PCSK5: variants seen among roughly 807,000 people sequenced by gnomAD.
The protein encoded by PCSK5 is prohormone convertase 5.
A neutral mutation model predicts 233.2 loss-of-function variants in PCSK5; 129 were observed. The ratio of observed to expected loss-of-function variants is 0.55; its 90% CI spans 0.48 to 0.64. The LOEUF is 0.64. PCSK5 is among the 30% of genes least tolerant of loss of function. PCSK5 has a pLI of 0.00. For missense variants in PCSK5, 2,076 were observed against 2,430.1 expected (o/e 0.85, Z 3.06); for synonymous variants, 825 against 879.2 (o/e 0.94, Z 1.09).
chr9:75,908,695 C>G (rs1822521473), intron 1 of PCSK5, among the ~76,000 whole-genome samples: 1 of 152,170 alleles, frequency 6.6e-6, no homozygotes, highest in African/African-American at 2.4e-5. Flanking sequence ...TCTACAAAGC[C>G]TTTCTCAGAT....
chr9:76,284,762 C>A (rs1421784260), intron 24 of PCSK5, among the ~76,000 whole-genome samples: 1 of 151,908 alleles, frequency 6.6e-6, no homozygotes, highest in Non-Finnish European at 1.5e-5. Flanking sequence ...AAACTCCCGA[C>A]GTCAGGTGAT....
chr9:75,961,405 C>T (rs1230918697), intron 2 of PCSK5, among the ~76,000 whole-genome samples: 1 of 152,206 alleles, frequency 6.6e-6, no homozygotes, highest in African/African-American at 2.4e-5. Flanking sequence ...CATTTGTTCT[C>T]TCATTTAATC....
chr9:75,893,018 C>T (rs1185734626), intron 1 of PCSK5, among the ~76,000 whole-genome samples: 1 of 152,146 alleles, frequency 6.6e-6, no homozygotes, highest in Admixed American at 6.5e-5. Flanking sequence ...GAAGAAAACA[C>T]TGAGTCCGTT....
intron 5 of PCSK5, among the ~76,000 whole-genome samples, chr9:76,027,674 G>A (rs890846751): frequency 6.6e-6 from 1 of 150,888 alleles, no homozygotes; most frequent in Non-Finnish European, 1.5e-5. Flanking sequence ...TTTGATAACA[G>A]AATATTTTAA....
chr9:76,353,819 T>C (rs1446854959), intron 36 of PCSK5, among the ~76,000 whole-genome samples: 2 of 152,190 alleles, frequency 1.3e-5, no homozygotes, highest in South Asian at 2.1e-4. Flanking sequence ...TATTAGCAGA[T>C]CTCAAAGGAC....
In PCSK5 at chr9:76,023,882, G is replaced by T; in HGVS notation, c.555+1G>T. ...CCATCCAGATCTGATGCAAAACTAC[G>T]TGAGTGTATGCTGTGGTTAGAAGGT... On this transcript the variant is annotated splice_donor_variant, in intron 4 of 37. Transcript: ENST00000674117. LOFTEE classifies it high-confidence loss of function. 6.2e-7 allele frequency: 1 copy of T among 1,609,524 alleles called. No individual in the cohort carries two copies. Among genetic ancestry groups the T allele is most frequent in the Non-Finnish European group, 8.5e-7 (1 of 1,177,900 alleles).
At chr9:75,912,481 T>G (rs1822787963) in intron 1 of PCSK5, among the ~76,000 whole-genome samples, 1 of 152,150 alleles carries the variant, frequency 6.6e-6, no homozygotes, top group South Asian at 2.1e-4. Context: ...AAATGTGGAT[T>G]CTGGTTTAGT....
intron 24 of PCSK5, among the ~76,000 whole-genome samples, chr9:76,269,558 G>A (rs933626889): frequency 2.0e-5 from 3 of 152,100 alleles, no homozygotes; most frequent in Non-Finnish European, 2.9e-5. Flanking sequence ...ATTTCCACCC[G>A]GCAGTATACA....
chr9:75,966,874 T>G (rs1219631935), intron 2 of PCSK5, among the ~76,000 whole-genome samples: 2 of 152,174 alleles, frequency 1.3e-5, no homozygotes, highest in African/African-American at 4.8e-5. Flanking sequence ...TACCACAGTG[T>G]ATGTTGTGAA....
intron 36 of PCSK5, among the ~76,000 whole-genome samples, chr9:76,352,927 T>C (rs1421312934): frequency 6.6e-6 from 1 of 151,814 alleles, no homozygotes; most frequent in Non-Finnish European, 1.5e-5. Context: ...CACATGCCTG[T>C]AGTCCCAGCT....
intron 35 of PCSK5, among the ~76,000 whole-genome samples, chr9:76,348,040 G>A (rs1402787483): frequency 6.6e-6 from 1 of 151,980 alleles, no homozygotes; most frequent in Non-Finnish European, 1.5e-5. Flanking sequence ...GGAGGCCAAG[G>A]TGGGCAGATC....
At chr9:76,296,097 T>C (rs884661) in intron 26 of PCSK5, among the ~76,000 whole-genome samples, 47,319 of 152,022 alleles carry the variant, frequency 0.31, 7,937 homozygotes, top group African/African-American at 0.44. Flanking sequence ...TTGGATTTTT[T>C]TAGATGGAGT....
chr9:76,046,155 C>CTTTTTTTT (rs1829362984), intron 5 of PCSK5, among the ~76,000 whole-genome samples: 13 of 55,700 alleles, frequency 2.3e-4, no homozygotes, highest in Admixed American at 4.1e-4. Context: ...ATAATTTTTT[C>CTTTTTTTT]TTTTGTTTTT....
chr9:76,193,265 C>G (rs1413797881), intron 20 of PCSK5: 10 of 1,613,502 alleles, frequency 6.2e-6, no homozygotes, highest in Non-Finnish European at 7.6e-6. Context: ...CGGAAGGAGG[C>G]TTCTGTATGC....
chr9:76,102,360 C>T (rs1356573025), intron 8 of PCSK5, among the ~76,000 whole-genome samples: 2 of 151,736 alleles, frequency 1.3e-5, no homozygotes, highest in Non-Finnish European at 2.9e-5. Flanking sequence ...TATGGACACA[C>T]ATAAATACCT....
chr9:76,295,153 CAAACA>C (rs545193854), intron 25 of PCSK5, 117 bp from the exon 26 acceptor site: 9 of 889,318 alleles, frequency 1.0e-5, no homozygotes, highest in Non-Finnish European at 1.5e-5. Context: ...AACTCCATCT[CAAACA>C]AAACAAAACA....
intron 20 of PCSK5, among the ~76,000 whole-genome samples, chr9:76,214,373 T>A (rs116243498): frequency 0.014 from 2,099 of 152,096 alleles, 38 homozygotes; most frequent in African/African-American, 0.047. Context: ...TCTAGGATAT[T>A]GGAAGGGGGG....
At chr9:76,320,435 A>G (rs1437349527) in intron 30 of PCSK5, among the ~76,000 whole-genome samples, 3 of 65,552 alleles carry the variant, frequency 4.6e-5, no homozygotes, top group Admixed American at 1.2e-4. Flanking sequence ...TCTCAAAAAA[A>G]AAAAAAGAAA....
chr9:76,354,369 T>G (rs1311578864), intron 37 of PCSK5, 150 bp downstream of exon 37: 1 of 616,234 alleles, frequency 1.6e-6, no homozygotes, highest in East Asian at 2.8e-5. Flanking sequence ...TACTTGAAAC[T>G]TCATGACCAT....
Sources: allele counts gnomAD v4.1 joint callset (sites outside exome capture counted in the v4.1 genomes callset), GRCh38; gene constraint gnomAD v4.1.1; transcripts MANE v1.5; gene names NCBI Gene and HGNC (gene_info 2026-07-23, HGNC 2026-07-21).